The following ARID1B variants were observed in gnomAD, a reference collection of about 807,000 sequenced individuals.
The protein encoded by ARID1B is AT-rich interactive domain-containing protein 1B.
Under a neutral mutation model 212.3 loss-of-function variants are expected in ARID1B, and 30 were observed. The ratio of observed to expected loss-of-function variants is 0.14; its 90% CI spans 0.11 to 0.19. The LOEUF is 0.19. ARID1B is among the 10% of genes least tolerant of loss of function. The pLI, the probability that ARID1B is intolerant of heterozygous loss-of-function variation, is 1.00. For synonymous variants in ARID1B, 1,402 were observed against 1,301.7 expected, an observed-to-expected ratio of 1.08 and a Z score of -1.66; for missense variants, 2,891 against 3,204.0, an observed-to-expected ratio of 0.90 and a Z score of 2.36.
chr6:156,938,462 C>T (rs1359629209), intron 4 of ARID1B: 1 of 152,158 alleles, frequency 6.6e-6, no homozygotes, highest in Non-Finnish European at 1.5e-5. Context: ...TTTGTCTTTT[C>T]ACCTACAGTC....
chr6:157,128,532 T>C (rs1275452465), intron 6 of ARID1B, among the ~76,000 whole-genome samples: 1 of 152,142 alleles, frequency 6.6e-6, no homozygotes, highest in Non-Finnish European at 1.5e-5. Context: ...AGAAAACAAA[T>C]GCAAGTCAGG....
intron 4 of ARID1B, among the ~76,000 whole-genome samples, chr6:156,992,375 G>A (rs994688050): frequency 6.6e-6 from 1 of 152,056 alleles, no homozygotes; most frequent in East Asian, 1.9e-4. Flanking sequence ...TTAATATCTC[G>A]TCATCTCCCA....
At chr6:156,905,896 T>G (rs1789338302) in intron 3 of ARID1B, among the ~76,000 whole-genome samples, 1 of 152,230 alleles carries the variant, frequency 6.6e-6, no homozygotes, top group Non-Finnish European at 1.5e-5. Context: ...TGAAACAGGG[T>G]ACTTAGAAAA....
chr6:157,053,015 G>A (rs1161951318), intron 4 of ARID1B, among the ~76,000 whole-genome samples: 1 of 152,016 alleles, frequency 6.6e-6, no homozygotes, highest in Non-Finnish European at 1.5e-5. Flanking sequence ...ACCACACCCA[G>A]CGCTAAGAGC....
chr6:156,865,277 T>G (rs1785601441), intron 2 of ARID1B, among the ~76,000 whole-genome samples: 1 of 152,228 alleles, frequency 6.6e-6, no homozygotes, highest in Non-Finnish European at 1.5e-5. Context: ...ACCAAATTTT[T>G]AAGATCTCAC....
intron 3 of ARID1B, among the ~76,000 whole-genome samples, chr6:156,905,250 G>GCACACACAACACA (rs1789275321): frequency 7.0e-6 from 1 of 143,730 alleles, no homozygotes; most frequent in Non-Finnish European, 1.5e-5. Flanking sequence ...ACATATGCAC[G>GCACACACAACACA]CACACACACA....
rs116363831 is a variant in ARID1B, at chr6:156,849,139, G to A, written c.1986+19718G>A. 3.7e-3 allele frequency among the ~76,000 whole-genome samples: 562 copies of A among 152,250 alleles called. 4 individuals are homozygous for A. Among genetic ancestry groups the A allele is most frequent in the African/African-American group, 0.013 (520 of 41,542 alleles). On this transcript the variant is annotated intron_variant, in intron 2 of 19. Transcript: ENST00000636930. Reference sequence around the variant, plus strand: ...TCCAGTGGCATTTTTCCTAAATTATGTCCAGCATTTCCTTGAGATTATGTA... The same window carrying A: ...TCCAGTGGCATTTTTCCTAAATTATATCCAGCATTTCCTTGAGATTATGTA...
intron 6 of ARID1B, 171 bp downstream of exon 6, chr6:157,110,732 G>A (rs1240397938): frequency 8.7e-6 from 6 of 688,802 alleles, no homozygotes; most frequent in African/African-American, 1.8e-5. Context: ...GAGGAGGGAG[G>A]ATGCTTTCTT....
chr6:157,144,698 C>T (rs1050971210), intron 7 of ARID1B, among the ~76,000 whole-genome samples: 1 of 152,130 alleles, frequency 6.6e-6, no homozygotes, highest in East Asian at 1.9e-4. Context: ...GGCCCAGCAG[C>T]TGGCCCCTGC....
At chr6:156,791,395 G>C (rs1779996912) in intron 1 of ARID1B, among the ~76,000 whole-genome samples, 1 of 152,194 alleles carries the variant, frequency 6.6e-6, no homozygotes, top group Non-Finnish European at 1.5e-5. Context: ...CCTTGCTGCT[G>C]CCAGAGCTAT....
chr6:157,179,656 TAA>T (rs1792366708), intron 11 of ARID1B, among the ~76,000 whole-genome samples: 2 of 152,240 alleles, frequency 1.3e-5, no homozygotes, highest in South Asian at 4.1e-4. Flanking sequence ...ACATATTTGA[TAA>T]AGAGGTTATG....
intron 4 of ARID1B, among the ~76,000 whole-genome samples, chr6:156,976,067 C>A (rs115181433): frequency 0.011 from 1,658 of 151,700 alleles, 26 homozygotes; most frequent in African/African-American, 0.038. Context: ...AGTACATAAG[C>A]GCAAGGGCTG....
intron 2 of ARID1B, among the ~76,000 whole-genome samples, chr6:156,869,802 C>T (rs1297326776): frequency 6.6e-6 from 1 of 152,156 alleles, no homozygotes; most frequent in Non-Finnish European, 1.5e-5. Flanking sequence ...GTGAGCATTC[C>T]TGTAGGGAAA....
At chr6:157,028,384 ATAATG>A (rs1443931090) in intron 4 of ARID1B, among the ~76,000 whole-genome samples, 1 of 152,232 alleles carries the variant, frequency 6.6e-6, no homozygotes, top group Non-Finnish European at 1.5e-5. Flanking sequence ...TGTAGAAATA[ATAATG>A]TAATGAATAA....
intron 4 of ARID1B, among the ~76,000 whole-genome samples, chr6:157,076,370 A>C (rs1784309457): frequency 6.6e-6 from 1 of 151,736 alleles, no homozygotes; most frequent in South Asian, 2.1e-4. Flanking sequence ...GCTGGAATGC[A>C]GAGGCTATTC....
At chr6:156,819,848 T>C (rs1388605151) in intron 1 of ARID1B, among the ~76,000 whole-genome samples, 1 of 152,158 alleles carries the variant, frequency 6.6e-6, no homozygotes, top group Non-Finnish European at 1.5e-5. Flanking sequence ...AGAACAGAGC[T>C]CATTCTAGGT....
chr6:156,925,777 A>G (rs1791166288), intron 3 of ARID1B, among the ~76,000 whole-genome samples: 1 of 152,164 alleles, frequency 6.6e-6, no homozygotes, highest in African/African-American at 2.4e-5. Flanking sequence ...GGACTGGGAA[A>G]AATTGAAGGG....
At chr6:157,183,470 A>G (rs1792713702) in intron 12 of ARID1B, among the ~76,000 whole-genome samples, 1 of 152,248 alleles carries the variant, frequency 6.6e-6, no homozygotes, top group African/African-American at 2.4e-5. Context: ...GTTATTTGCA[A>G]ATCCTCATGT....
At chr6:157,014,524 A>C (rs986819161) in intron 4 of ARID1B, among the ~76,000 whole-genome samples, 3 of 152,154 alleles carry the variant, frequency 2.0e-5, no homozygotes, top group Admixed American at 1.3e-4. Flanking sequence ...AAGTGATGAG[A>C]GAGACTCTGT....
Sources: gnomAD v4.1 joint callset for allele counts (sites outside exome capture counted in the v4.1 genomes callset) on GRCh38, gnomAD v4.1.1 for gene constraint, MANE v1.5 for transcripts, NCBI Gene and HGNC (gene_info 2026-07-23, HGNC 2026-07-21) for gene names.